The following NECAB1 variants were observed in gnomAD, a reference collection of about 807,000 sequenced individuals.
The protein encoded by NECAB1 is N-terminal EF-hand calcium binding protein 1.
A neutral mutation model predicts 57.5 loss-of-function variants in NECAB1; 29 were observed. The observed-to-expected ratio is 0.50, with a 90% CI of 0.38 to 0.69. The LOEUF is 0.69. Among genes scored for constraint, NECAB1 ranks in the 30% least tolerant of loss-of-function variants. The probability of loss-of-function intolerance (pLI) is 0.00; values close to 1 mark genes in which losing one functional copy is unlikely to be tolerated. For synonymous variants in NECAB1, 142 were observed against 147.7 expected, an observed-to-expected ratio of 0.96 and a Z score of 0.28; for missense variants, 372 against 413.8, an observed-to-expected ratio of 0.90 and a Z score of 0.88.
chr8:90,891,831 C>T (rs574980771), intron 5 of NECAB1, among the ~76,000 whole-genome samples: 8 of 151,954 alleles, frequency 5.3e-5, no homozygotes, highest in Admixed American at 2.6e-4. Flanking sequence ...GTAGCTGGGA[C>T]CACAGGAACA....
chr8:90,824,472 T>G (rs996903900), intron 2 of NECAB1, among the ~76,000 whole-genome samples: 1 of 151,902 alleles, frequency 6.6e-6, no homozygotes, highest in Non-Finnish European at 1.5e-5. Context: ...GTTTGTCATG[T>G]GAATAAATGA....
At chr8:90,902,375 C>A (rs1024931261) in intron 5 of NECAB1, among the ~76,000 whole-genome samples, 5 of 152,052 alleles carry the variant, frequency 3.3e-5, no homozygotes, top group African/African-American at 4.8e-5. Context: ...AGCCAAGATC[C>A]ACTGCCACTG....
intron 5 of NECAB1, among the ~76,000 whole-genome samples, chr8:90,910,469 G>A (rs1809804803): frequency 6.6e-6 from 1 of 152,098 alleles, no homozygotes; most frequent in Non-Finnish European, 1.5e-5. Flanking sequence ...TTCCTCTTAA[G>A]TGGTTTGTCT....
At chr8:90,847,326 AG>A (rs954807795) in intron 3 of NECAB1, among the ~76,000 whole-genome samples, 17 of 152,214 alleles carry the variant, frequency 1.1e-4, no homozygotes, top group African/African-American at 3.4e-4. Context: ...CTGATCCAAG[AG>A]GGGGTTTCCC....
intron 3 of NECAB1, among the ~76,000 whole-genome samples, chr8:90,843,088 A>G (rs904660462): frequency 2.0e-5 from 3 of 152,228 alleles, no homozygotes; most frequent in Non-Finnish European, 4.4e-5. Context: ...GGCACATCCT[A>G]CATGGCAGCA....
In NECAB1 at chr8:90,801,202, A is replaced by C. The variant is rs906671939; in HGVS notation, c.100-489A>C. On this transcript the variant is annotated intron_variant, in intron 1 of 12. Coordinates refer to ENST00000417640, the MANE Select transcript of NECAB1 (RefSeq NM_022351.5). ...ATGAAACCATTACCACATTCAAGATAATAACTATCTCTATCACCTGCAAAA... is the reference window on the plus strand; with the variant it reads ...ATGAAACCATTACCACATTCAAGATCATAACTATCTCTATCACCTGCAAAA... Among the ~76,000 whole-genome samples the C allele has an allele frequency of 3.9e-5, 6 of 152,262 alleles. No individual in the cohort carries two copies. In the East Asian group the frequency reaches 7.7e-4, roughly 20 times the overall value.
chr8:90,828,880 T>C (rs1390036084), intron 3 of NECAB1, among the ~76,000 whole-genome samples: 1 of 152,024 alleles, frequency 6.6e-6, no homozygotes, highest in Non-Finnish European at 1.5e-5. Flanking sequence ...TTGATTTTTC[T>C]CAAGCTTTAA....
At chr8:90,809,988 TTG>T (rs1443991987) in intron 2 of NECAB1, among the ~76,000 whole-genome samples, 3 of 152,348 alleles carry the variant, frequency 2.0e-5, no homozygotes, top group East Asian at 3.9e-4. Flanking sequence ...TATAACAATA[TTG>T]CAAGGAAGAT....
chr8:90,911,784 G>T (rs1809836657), intron 5 of NECAB1, among the ~76,000 whole-genome samples: 1 of 152,130 alleles, frequency 6.6e-6, no homozygotes, highest in South Asian at 2.1e-4. Flanking sequence ...GTCTTGTGAA[G>T]TTTGAGCCAA....
At chr8:90,862,653 A>G (rs988809504) in intron 3 of NECAB1, among the ~76,000 whole-genome samples, 1 of 152,150 alleles carries the variant, frequency 6.6e-6, no homozygotes, top group Admixed American at 6.6e-5. Context: ...GTTTGAATTA[A>G]TATGTTTTTT....
chr8:90,887,332 G>A (rs1809029850), intron 5 of NECAB1, among the ~76,000 whole-genome samples: 1 of 152,054 alleles, frequency 6.6e-6, no homozygotes, highest in Non-Finnish European at 1.5e-5. Context: ...TTACCACAAG[G>A]CAGTAATAAA....
chr8:90,932,517 T>TG (rs1338997258), intron 8 of NECAB1, among the ~76,000 whole-genome samples: 1 of 152,138 alleles, frequency 6.6e-6, no homozygotes, highest in African/African-American at 2.4e-5. Flanking sequence ...AAACTCCAAA[T>TG]GAGTGGTCTG....
At chr8:90,856,798 A>G (rs536438132) in intron 3 of NECAB1, among the ~76,000 whole-genome samples, 1 of 152,312 alleles carries the variant, frequency 6.6e-6, no homozygotes, top group South Asian at 2.1e-4. Flanking sequence ...AGCACTTGCT[A>G]CCATGCACGT....
chr8:90,840,518 T>C (rs1182492882), intron 3 of NECAB1, among the ~76,000 whole-genome samples: 1 of 152,236 alleles, frequency 6.6e-6, no homozygotes, highest in Non-Finnish European at 1.5e-5. Flanking sequence ...TCTGTCAGAG[T>C]GGTAATCTTC....
chr8:90,832,756 A>C (rs949878350), intron 3 of NECAB1, among the ~76,000 whole-genome samples: 1 of 152,174 alleles, frequency 6.6e-6, no homozygotes, highest in African/African-American at 2.4e-5. Flanking sequence ...CAAAAAGTTA[A>C]ATAACTTGCC....
intron 3 of NECAB1, among the ~76,000 whole-genome samples, chr8:90,849,106 G>A (rs1812629719): frequency 6.6e-6 from 1 of 152,146 alleles, no homozygotes. Context: ...GGTGAGATTT[G>A]GATGGGGACA....
At chr8:90,816,261 T>C (rs1474332302) in intron 2 of NECAB1, among the ~76,000 whole-genome samples, 1 of 151,880 alleles carries the variant, frequency 6.6e-6, no homozygotes, top group East Asian at 1.9e-4. Context: ...TAAGTCCTTA[T>C]TCAGATATGG....
At chr8:90,885,056 C>T (rs1366838272) in intron 5 of NECAB1, among the ~76,000 whole-genome samples, 1 of 152,190 alleles carries the variant, frequency 6.6e-6, no homozygotes, top group African/African-American at 2.4e-5. Context: ...AAACCTCCAC[C>T]TCTAACTGGG....
chr8:90,814,882 G>T (rs963094563), intron 2 of NECAB1, among the ~76,000 whole-genome samples: 1 of 152,078 alleles, frequency 6.6e-6, no homozygotes, highest in African/African-American at 2.4e-5. Flanking sequence ...TGTCATCATT[G>T]CTTCTAAGCC....
Sources: allele counts gnomAD v4.1 joint callset (sites outside exome capture counted in the v4.1 genomes callset), GRCh38; gene constraint gnomAD v4.1.1; transcripts MANE v1.5; gene names NCBI Gene and HGNC (gene_info 2026-07-23, HGNC 2026-07-21).